Variants in TAS2R1 observed in about 807,000 individuals in gnomAD.
TAS2R1 encodes taste 2 receptor member 1.
For missense variants in TAS2R1, 370 were observed against 353.4 expected (o/e 1.05, Z -0.38); for synonymous variants, 141 against 134.2 (o/e 1.05, Z -0.35).
the TAS2R1 span, among the ~76,000 whole-genome samples, chr5:9,724,196 A>G: frequency 6.6e-6 from 1 of 152,224 alleles, no homozygotes; most frequent in Non-Finnish European, 1.5e-5. Flanking sequence ...CGGCCACATT[A>G]GGCCAAGAAC....
chr5:9,833,416 C>T, the TAS2R1 span, among the ~76,000 whole-genome samples: 2 of 152,134 alleles, frequency 1.3e-5, no homozygotes, highest in Non-Finnish European at 2.9e-5. Context: ...AACTTTTCAA[C>T]GCTGTTGCTA....
At chr5:9,655,930 T>C (rs898207853) in intron 2 of TAS2R1, among the ~76,000 whole-genome samples, 24 of 152,074 alleles carry the variant, frequency 1.6e-4, no homozygotes, top group Admixed American at 4.6e-4. Flanking sequence ...CCTGGGAAAC[T>C]TTTATTAATG....
the TAS2R1 span, among the ~76,000 whole-genome samples, chr5:9,793,632 G>A: frequency 6.6e-6 from 1 of 152,204 alleles, no homozygotes; most frequent in Non-Finnish European, 1.5e-5. Context: ...AGTCTGGGGT[G>A]GTGAGTCCTT....
chr5:9,881,640 G>C, the TAS2R1 span, among the ~76,000 whole-genome samples: 1 of 152,272 alleles, frequency 6.6e-6, no homozygotes, highest in Admixed American at 6.5e-5. Flanking sequence ...AAACAGTATG[G>C]TACTGGTACA....
At chr5:9,787,153 A>G in the TAS2R1 span, among the ~76,000 whole-genome samples, 2 of 152,162 alleles carry the variant, frequency 1.3e-5, no homozygotes, top group Non-Finnish European at 2.9e-5. Flanking sequence ...CACATCATAG[A>G]CAGTCAACAA....
chr5:9,647,693 T>C (rs553024671), intron 2 of TAS2R1, among the ~76,000 whole-genome samples: 260 of 152,346 alleles, frequency 1.7e-3, no homozygotes, highest in South Asian at 9.1e-3. Flanking sequence ...TAATATTTAT[T>C]CTTGTATACA....
intron 2 of TAS2R1, among the ~76,000 whole-genome samples, chr5:9,640,131 G>C (rs760411978): frequency 5.3e-5 from 8 of 152,062 alleles, no homozygotes; most frequent in Non-Finnish European, 1.2e-4. Flanking sequence ...AACACTCAAA[G>C]GCCATTTTAG....
the TAS2R1 span, among the ~76,000 whole-genome samples, chr5:9,762,891 G>C: frequency 6.6e-6 from 1 of 152,232 alleles, no homozygotes; most frequent in African/African-American, 2.4e-5. Flanking sequence ...ATTCTCTTTG[G>C]AAAATTCCTA....
At chr5:9,833,824 G>C in the TAS2R1 span, among the ~76,000 whole-genome samples, 1 of 152,172 alleles carries the variant, frequency 6.6e-6, no homozygotes, top group Non-Finnish European at 1.5e-5. Flanking sequence ...AATTCACTTA[G>C]AGGAGGCATA....
At chr5:9,828,039 TC>T in the TAS2R1 span, among the ~76,000 whole-genome samples, 1 of 152,238 alleles carries the variant, frequency 6.6e-6, no homozygotes, top group Non-Finnish European at 1.5e-5. Flanking sequence ...AAGCTGTTTT[TC>T]CTCTACCTAG....
intron 1 of TAS2R1, among the ~76,000 whole-genome samples, chr5:9,685,895 C>T (rs1324913806): frequency 1.3e-5 from 2 of 152,174 alleles, no homozygotes; most frequent in African/African-American, 4.8e-5. Context: ...GATGGAGCTT[C>T]GCTCTTGTCA....
At chr5:9,827,450 A>G in the TAS2R1 span, among the ~76,000 whole-genome samples, 1 of 152,050 alleles carries the variant, frequency 6.6e-6, no homozygotes, top group Non-Finnish European at 1.5e-5. Flanking sequence ...TAAAACATAA[A>G]TTGGGCCAGG....
At chr5:9,750,992 T>C in the TAS2R1 span, among the ~76,000 whole-genome samples, 1 of 151,396 alleles carries the variant, frequency 6.6e-6, no homozygotes, top group Admixed American at 6.6e-5. Context: ...CAACCAGAGG[T>C]AGGTGTAATA....
chr5:9,659,119 T>G (rs553191636), intron 2 of TAS2R1, among the ~76,000 whole-genome samples: 1 of 152,302 alleles, frequency 6.6e-6, no homozygotes, highest in East Asian at 1.9e-4. Flanking sequence ...CTAGCAAGAC[T>G]CATACCCACA....
At chr5:9,901,268 C>T in the TAS2R1 span, among the ~76,000 whole-genome samples, 1 of 151,236 alleles carries the variant, frequency 6.6e-6, no homozygotes, top group African/African-American at 2.4e-5. Flanking sequence ...AAAGGAATTG[C>T]TAGAGATTGT....
intron 1 of TAS2R1, among the ~76,000 whole-genome samples, chr5:9,679,324 C>T (rs1054352598): frequency 6.6e-5 from 10 of 152,098 alleles, no homozygotes; most frequent in South Asian, 2.1e-4. Context: ...AATTTTATAG[C>T]GCAAAGAACG....
chr5:9,666,712 A>G (rs1740638889), intron 1 of TAS2R1, among the ~76,000 whole-genome samples: 1 of 152,178 alleles, frequency 6.6e-6, no homozygotes, highest in East Asian at 1.9e-4. Flanking sequence ...AAGAAAGAAG[A>G]AAACAGAAAG....
At chr5:9,886,564 C>T in the TAS2R1 span, among the ~76,000 whole-genome samples, 1 of 151,290 alleles carries the variant, frequency 6.6e-6, no homozygotes, top group African/African-American at 2.4e-5. Flanking sequence ...CAACTCCTGA[C>T]CTCAGATGAT....
chr5:9,670,311 A>G (rs891643571), intron 1 of TAS2R1, among the ~76,000 whole-genome samples: 1 of 152,200 alleles, frequency 6.6e-6, no homozygotes, highest in Admixed American at 6.5e-5. Flanking sequence ...CTCTGTTCAT[A>G]GTGAATATAA....
Sources: allele counts gnomAD v4.1 joint callset (sites outside exome capture counted in the v4.1 genomes callset), GRCh38; gene constraint gnomAD v4.1.1; transcripts MANE v1.5; gene names NCBI Gene and HGNC (gene_info 2026-07-23, HGNC 2026-07-21).